Variants in TMEM237 observed in about 807,000 individuals in gnomAD.
TMEM237 encodes transmembrane protein 237.
Under a neutral mutation model 59.1 loss-of-function variants are expected in TMEM237, and 51 were observed. That is an observed-to-expected ratio of 0.86 (90% CI 0.69 to 1.09). The LOEUF is 1.09. TMEM237 is among the 50% of genes least tolerant of loss of function. The probability of loss-of-function intolerance (pLI) is 0.00; values close to 1 mark genes in which losing one functional copy is unlikely to be tolerated. For synonymous variants in TMEM237, 140 were observed against 166.1 expected, an observed-to-expected ratio of 0.84 and a Z score of 1.21; for missense variants, 475 against 478.3, an observed-to-expected ratio of 0.99 and a Z score of 0.06.
chr2:201,624,944 C>T (rs1957744052), intron 12 of TMEM237, among the ~76,000 whole-genome samples: 1 of 152,180 alleles, frequency 6.6e-6, no homozygotes, highest in African/African-American at 2.4e-5. Flanking sequence ...ACATTTTCTA[C>T]ATTTAAACTA....
At chr2:201,629,463 A>C in intron 8 of TMEM237, 42 bp from the exon 9 acceptor site, 8 of 1,457,934 alleles carry the variant, frequency 5.5e-6, no homozygotes, top group Non-Finnish European at 7.2e-6. Context: ...GAATTACTAA[A>C]GTAAAAAGCT....
intron 10 of TMEM237, among the ~76,000 whole-genome samples, chr2:201,627,835 AG>A (rs1957772524): frequency 6.6e-6 from 1 of 152,214 alleles, no homozygotes; most frequent in Non-Finnish European, 1.5e-5. Context: ...AAAGTTAAAA[AG>A]TAAGTAATAT....
At chr2:201,625,536 G>A (rs568728301) in intron 12 of TMEM237, among the ~76,000 whole-genome samples, 29 of 152,190 alleles carry the variant, frequency 1.9e-4, no homozygotes, top group Non-Finnish European at 3.7e-4. Context: ...CTGGGGACTA[G>A]AGATGAGTGA....
Position 201,643,155 on chromosome 2 carries a change from C to G in TMEM237, c.42+204G>C, listed in dbSNP as rs762500386. Among the ~76,000 whole-genome samples, 15 of 152,218 alleles carry G rather than the reference C, an allele frequency of 9.9e-5. No homozygotes were observed. Among genetic ancestry groups the G allele is most frequent in the Admixed American group, 3.3e-4 (5 of 15,314 alleles). On this transcript the variant is annotated intron_variant, in intron 1 of 12. Coordinates refer to ENST00000409883, the MANE Select transcript of TMEM237 (RefSeq NM_001044385.3). The surrounding 1 kb of genome is among the most constrained non-coding windows in gnomAD (Gnocchi z 4.3). ...CTTCATGCCAGGCCTCTCTCTCCCA[C>G]TCCGGGAGTTCGGTCCCGGCCTCGC...
chr2:201,641,713 T>G lies in TMEM237; in HGVS notation c.43-789A>C, dbSNP rs1247732884. Among the ~76,000 whole-genome samples the G allele has an allele frequency of 3.1e-5, 4 of 129,780 alleles. No individual in the cohort carries two copies. In the Admixed American group the frequency reaches 3.3e-4, roughly 11 times the overall value. The allele number at this position is 129,780 out of a possible 152,430, so 85.1% of individuals were successfully genotyped here. On this transcript the variant is annotated intron_variant, in intron 1 of 12. Transcript: ENST00000409883. The stretch of plus-strand genomic sequence containing the variant: ...TGTATACATATCGTGTGTGCATATA[T>G]ATATATATACACAAGATACACACAC...
chr2:201,640,187 TTTA>T, intron 3 of TMEM237, 71 bp downstream of exon 3: 1 of 1,276,718 alleles, frequency 7.8e-7, no homozygotes. Flanking sequence ...CAGACTCAGT[TTTA>T]AGAGAAACAA....
In TMEM237 at chr2:201,643,308, G is replaced by T; in HGVS notation, c.42+51C>A. The T allele has an allele frequency of 2.0e-6, 3 of 1,522,988 alleles. No homozygotes were observed. The highest frequency in any genetic ancestry group is 2.7e-6 in the Non-Finnish European group (3 of 1,125,032). 94.3% of individuals were successfully genotyped at this position (1,522,988 alleles called of 1,614,324 possible). ...CACACACCCACCCCCACTGCCAAGT[G>T]TAGCTGTTTACCCGCCACCTCTCGA... is the stretch of plus-strand genomic sequence containing the variant. On this transcript the variant is annotated intron_variant, in intron 1 of 12. Transcript: ENST00000409883. This position sits in a 1 kb window ranked among gnomAD's most constrained non-coding sequence, Gnocchi z 4.3.
intron 5 of TMEM237, chr2:201,634,259 T>G (rs1398620870): frequency 6.6e-6 from 1 of 152,218 alleles, no homozygotes; most frequent in Non-Finnish European, 1.5e-5. Context: ...AGCCTTCTTC[T>G]AATCCACTAG....
chr2:201,626,071 A>G lies in TMEM237; in HGVS notation c.1114T>C (p.Ser372Pro), dbSNP rs370795793. 5.6e-6 allele frequency: 9 copies of G among 1,604,946 alleles called. No homozygotes were observed. Among genetic ancestry groups the G allele is most frequent in the Non-Finnish European group, 7.7e-6 (9 of 1,175,314 alleles). Reference protein sequence around the residue: ...NLVVALLVGLSWLFLSYRPGM... With the variant: ...NLVVALLVGLPWLFLSYRPGM... ...GGCCTATAAGACAAAAATAGCCAAG[A>G]TAATCCAACCAGAAGAGCCACCACG... Residue 372 changes from serine to proline, a missense_variant, in exon 12 of 13, where the codon TCT becomes CCT. Ser to Pro is a moderately conservative substitution (Grantham distance 74). Coordinates refer to ENST00000409883, the MANE Select transcript of TMEM237 (RefSeq NM_001044385.3).
intron 12 of TMEM237, among the ~76,000 whole-genome samples, chr2:201,625,089 C>T (rs896349144): frequency 2.6e-5 from 4 of 152,134 alleles, no homozygotes; most frequent in South Asian, 2.1e-4. Context: ...TTTGGCCAGG[C>T]GCGGTGGCTC....
At chr2:201,642,918 G>C in intron 1 of TMEM237, 1 of 1,333,060 alleles carries the variant, frequency 7.5e-7, no homozygotes, top group Non-Finnish European at 9.5e-7. Context: ...GGTTTCCTAA[G>C]TGGTGGCGGT....
intron 1 of TMEM237, among the ~76,000 whole-genome samples, chr2:201,641,137 A>G (rs886791818): frequency 4.0e-5 from 6 of 151,860 alleles, no homozygotes; most frequent in Non-Finnish European, 5.9e-5. Flanking sequence ...GATTACAGGC[A>G]CCCACCACCA....
rs149978468 is a variant in TMEM237 at position 201,628,450 on chromosome 2, T to C, written c.870-301A>G. On this transcript the variant is annotated intron_variant, in intron 9 of 12. Transcript: ENST00000409883. ...CTACCTCTTTCTATTACCCATATCA[T>C]TGGGCTCTAACTCGGTGGATTTTTT... 1.9e-3 allele frequency among the ~76,000 whole-genome samples: 286 copies of C among 152,322 alleles called. 2 individuals carry two copies. The highest frequency in any genetic ancestry group is 6.2e-3 in the African/African-American group (257 of 41,578).
chr2:201,625,656 C>T (rs868589473), intron 12 of TMEM237, among the ~76,000 whole-genome samples: 1 of 151,970 alleles, frequency 6.6e-6, no homozygotes, highest in African/African-American at 2.4e-5. Flanking sequence ...AGTATGTGTC[C>T]GACAGAGAGG....
At position 201,626,120 on chromosome 2, in the gene TMEM237, G is replaced by C. The variant is rs149240122; in HGVS notation, c.1065C>G (p.Leu355=). Reference sequence around the variant, plus strand: ...CGAGATTCACCACAATCCATGGCTGGAGAATCTGTTCCTCAATTCCTGCTT... The same window carrying C: ...CGAGATTCACCACAATCCATGGCTGCAGAATCTGTTCCTCAATTCCTGCTT... ...LWEAGIEEQI[L]QPWIVVNLVV... The change falls in exon 12 of 13, where the codon CTC becomes CTG. Residue 355 remains leucine (L), a synonymous_variant. Transcript: ENST00000409883. The C allele has an allele frequency of 1.4e-3, 2,259 of 1,610,918 alleles. 12 individuals are homozygous for C. Among genetic ancestry groups the C allele is most frequent in the South Asian group, 4.8e-3 (435 of 90,198 alleles).
At chr2:201,629,570 G>T in intron 8 of TMEM237, 149 bp from the exon 9 acceptor site, 1 of 1,269,826 alleles carries the variant, frequency 7.9e-7, no homozygotes, top group Non-Finnish European at 1.1e-6. Flanking sequence ...CTGATAGGTA[G>T]ATCACTCAAT....
intron 5 of TMEM237, chr2:201,634,938 A>C (rs541749960): frequency 1.6e-5 from 7 of 426,934 alleles, no homozygotes; most frequent in Non-Finnish European, 3.4e-5. Context: ...ATTATTAATA[A>C]GGGCTGATGT....
intron 5 of TMEM237, 93 bp from the exon 6 acceptor site, chr2:201,633,524 AT>A (rs1687225214): frequency 1.9e-6 from 2 of 1,040,036 alleles, no homozygotes; most frequent in South Asian, 2.4e-5. Context: ...AACTTCAAGA[AT>A]TTTAATTGGG....
chr2:201,627,548 A>C, intron 10 of TMEM237, 134 bp from the exon 11 acceptor site: 2 of 590,286 alleles, frequency 3.4e-6, no homozygotes, highest in Non-Finnish European at 2.9e-6. Context: ...CCAAATAAAT[A>C]TATTTCAATA....
Sources: gnomAD v4.1 joint callset for allele counts (sites outside exome capture counted in the v4.1 genomes callset) on GRCh38, gnomAD v4.1.1 for gene constraint, Gnocchi (gnomAD v3.1) non-coding constraint, MANE v1.5 for transcripts, NCBI Gene and HGNC (gene_info 2026-07-23, HGNC 2026-07-21) for gene names.